The following SH3RF2 variants were observed in gnomAD, a reference collection of about 807,000 sequenced individuals.
The protein encoded by SH3RF2 is E3 ubiquitin-protein ligase SH3RF2.
SH3RF2 carries 43 observed loss-of-function variants against 59.0 expected under a neutral mutation model. That is an observed-to-expected ratio of 0.73 (90% CI 0.57 to 0.94). The LOEUF (loss-of-function observed/expected upper bound fraction) is 0.94. Ranked by LOEUF, SH3RF2 falls within the 40% of genes least tolerant of loss-of-function variation. The pLI, the probability that SH3RF2 is intolerant of heterozygous loss-of-function variation, is 0.00. For missense variants in SH3RF2, 930 were observed against 940.1 expected (o/e 0.99, Z 0.14); for synonymous variants, 391 against 391.5 (o/e 1.00, Z 0.01).
intron 7 of SH3RF2, among the ~76,000 whole-genome samples, chr5:146,051,895 G>A (rs920185957): frequency 6.6e-6 from 1 of 152,224 alleles, no homozygotes; most frequent in African/African-American, 2.4e-5. Context: ...TTCAAGGAGT[G>A]AGAGGAGAGA....
chr5:146,055,774 A>ACCCCCTTCCTT, intron 7 of SH3RF2: 2 of 600,276 alleles, frequency 3.3e-6, no homozygotes, highest in Non-Finnish European at 5.9e-6. Context: ...CCCTCAGCAC[A>ACCCCCTTCCTT]CCCTCACAGT....
At chr5:146,011,193 T>C (rs2149991341) in intron 4 of SH3RF2, among the ~76,000 whole-genome samples, 1 of 152,310 alleles carries the variant, frequency 6.6e-6, no homozygotes, top group Non-Finnish European at 1.5e-5. Flanking sequence ...TGGTTGTAGA[T>C]GTGTGGTGTT....
At chr5:146,030,450 G>C (rs1165372224) in intron 5 of SH3RF2, among the ~76,000 whole-genome samples, 1 of 152,188 alleles carries the variant, frequency 6.6e-6, no homozygotes, top group Non-Finnish European at 1.5e-5. Flanking sequence ...GCAGGACACT[G>C]ATGAGGTCAG....
intron 9 of SH3RF2, among the ~76,000 whole-genome samples, chr5:146,060,758 T>C (rs1443121743): frequency 6.6e-6 from 1 of 152,220 alleles, no homozygotes; most frequent in East Asian, 1.9e-4. Context: ...GTAAGTGACA[T>C]CGAGGTCACA....
chr5:145,973,996 C>A (rs1759188181), intron 2 of SH3RF2, among the ~76,000 whole-genome samples: 1 of 152,166 alleles, frequency 6.6e-6, no homozygotes, highest in Non-Finnish European at 1.5e-5. Context: ...CTGACACAGC[C>A]CAGCTGAATC....
chr5:146,062,341 A>C, intron 9 of SH3RF2, 85 bp from the exon 10 acceptor site: 1 of 1,507,574 alleles, frequency 6.6e-7, no homozygotes, highest in Non-Finnish European at 9.0e-7. Flanking sequence ...GAACACATAA[A>C]TGAGACATTT....
Position 146,000,300 on chromosome 5 carries a change from G to A in SH3RF2, c.621G>A (p.Glu207=), listed in dbSNP as rs773600952. 6.2e-7 allele frequency: 1 copy of A among 1,613,378 alleles called. No individual in the cohort carries two copies. The highest frequency in any genetic ancestry group is 1.1e-5 in the South Asian group (1 of 90,962). ...ACCTACGAGGCAAGGACAAGAGTGA[G>A]AACCAGGATTGCCTGACCTTCCTCA... The part of the protein sequence containing the change: ...NFDLRGKDKS[E]NQDCLTFLKD... The change falls in exon 3 of 10, where the codon GAG becomes GAA. Residue 207 remains glutamate, a synonymous_variant. Coordinates refer to ENST00000359120, the MANE Select transcript of SH3RF2 (RefSeq NM_152550.4).
intron 5 of SH3RF2, among the ~76,000 whole-genome samples, chr5:146,016,487 T>G (rs964009450): frequency 6.6e-6 from 1 of 152,210 alleles, no homozygotes; most frequent in Non-Finnish European, 1.5e-5. Context: ...CCTTTTACTC[T>G]CAGTCTCCTA....
chr5:145,967,128 A>G (rs148200728), intron 2 of SH3RF2, among the ~76,000 whole-genome samples: 1 of 152,352 alleles, frequency 6.6e-6, no homozygotes, highest in African/African-American at 2.4e-5. Context: ...AAATCATCCT[A>G]TTGAAACAAT....
At chr5:146,078,140 G>C (rs1334251548) in intron 9 of SH3RF2, among the ~76,000 whole-genome samples, 5 of 152,188 alleles carry the variant, frequency 3.3e-5, no homozygotes, top group Non-Finnish European at 7.3e-5. Flanking sequence ...CAATAACCAT[G>C]AATGAATATT....
intron 3 of SH3RF2, among the ~76,000 whole-genome samples, chr5:146,001,945 C>T (rs1308589837): frequency 2.0e-5 from 3 of 152,232 alleles, no homozygotes; most frequent in Admixed American, 2.0e-4. Context: ...CTTCCCAAAG[C>T]TGTTCTTTTC....
chr5:146,023,834 T>C (rs974654632), intron 5 of SH3RF2, among the ~76,000 whole-genome samples: 1 of 152,214 alleles, frequency 6.6e-6, no homozygotes, highest in African/African-American at 2.4e-5. Flanking sequence ...TCTGGATGTT[T>C]TCTATAAGTG....
chr5:146,018,173 T>A (rs923781637), intron 5 of SH3RF2, among the ~76,000 whole-genome samples: 1 of 152,162 alleles, frequency 6.6e-6, no homozygotes, highest in Non-Finnish European at 1.5e-5. Context: ...TGGTGAAGTC[T>A]GAGATTTTAA....
chr5:146,024,415 G>T (rs1761453986), intron 5 of SH3RF2, among the ~76,000 whole-genome samples: 1 of 151,806 alleles, frequency 6.6e-6, no homozygotes, highest in Non-Finnish European at 1.5e-5. Context: ...TTTATCATCG[G>T]GTTTCCTTAT....
rs1218266786 is a variant in SH3RF2 at position 146,062,656 on chromosome 5, G to A, written c.2145G>A (p.Leu715=). ...RKSALGKATT[L]VSTASGTQTV... ...CAGCTCTTGGCAAGGCCACAACCCT[G>A]GTGTCCACTGCCTCAGGCACGCAGA... is the stretch of plus-strand genomic sequence containing the variant. The change falls in exon 10 of 10, where the codon CTG becomes CTA. Residue 715 remains leucine, a synonymous_variant. Coordinates refer to ENST00000359120, the MANE Select transcript of SH3RF2 (RefSeq NM_152550.4). 2 of 1,614,168 alleles carry A rather than the reference G, an allele frequency of 1.2e-6. No homozygotes were observed. Among genetic ancestry groups the A allele is most frequent in the Non-Finnish European group, 8.5e-7 (1 of 1,180,028 alleles).
chr5:146,037,262 G>A (rs1167870538), intron 5 of SH3RF2, among the ~76,000 whole-genome samples: 3 of 152,290 alleles, frequency 2.0e-5, no homozygotes, highest in Middle Eastern at 3.4e-3. Context: ...AAGGCTCAGA[G>A]GGATTAAGTC....
intron 7 of SH3RF2, chr5:146,050,256 G>A (rs904182985): frequency 1.3e-5 from 2 of 152,214 alleles, no homozygotes; most frequent in Admixed American, 6.5e-5. Flanking sequence ...TGTTCTGAGA[G>A]GGGGCAGTGG....
chr5:146,038,264 T>TA lies in SH3RF2; in HGVS notation c.1060-9500dup, dbSNP rs915831381. 4.6e-5 allele frequency among the ~76,000 whole-genome samples: 7 copies of TA among 152,102 alleles called. 1 individual carries two copies. In the East Asian group the frequency reaches 1.2e-3, roughly 25 times the overall value. ...ATGTTGAAGGCATTTCCTTTAAGATTAAAAAAAAGAACAAAATGCCCATTT... is the reference window on the plus strand; with the variant it reads ...ATGTTGAAGGCATTTCCTTTAAGATTAAAAAAAAAGAACAAAATGCCCATTT... On this transcript the variant is annotated intron_variant, in intron 5 of 9. Coordinates refer to ENST00000359120, the MANE Select transcript of SH3RF2 (RefSeq NM_152550.4).
At chr5:146,010,848 C>T (rs1345401374) in intron 4 of SH3RF2, among the ~76,000 whole-genome samples, 2 of 152,134 alleles carry the variant, frequency 1.3e-5, no homozygotes, top group Non-Finnish European at 2.9e-5. Context: ...ACTCCGATGG[C>T]AGTTTCTTTT....
Sources: gnomAD v4.1 joint callset for allele counts (sites outside exome capture counted in the v4.1 genomes callset) on GRCh38, gnomAD v4.1.1 for gene constraint, MANE v1.5 for transcripts, NCBI Gene and HGNC (gene_info 2026-07-23, HGNC 2026-07-21) for gene names.